Variants in GSE1 observed in about 807,000 individuals in gnomAD.
GSE1 encodes Gse1 coiled-coil protein.
Under a neutral mutation model 112.6 loss-of-function variants are expected in GSE1, and 32 were observed. The ratio of observed to expected loss-of-function variants is 0.28; its 90% confidence interval spans 0.21 to 0.38. The LOEUF is 0.38. Ranked by LOEUF, GSE1 falls within the 10% of genes least tolerant of loss-of-function variation. The probability of loss-of-function intolerance (pLI) is 1.00; values close to 1 mark genes in which losing one functional copy is unlikely to be tolerated. For synonymous variants in GSE1, 1,115 were observed against 735.6 expected (o/e 1.52, Z -8.35); for missense variants, 2,348 against 1,699.2 (o/e 1.38, Z -6.71).
chr16:85,369,563 T>G (rs572468800), intron 2 of GSE1, among the ~76,000 whole-genome samples: 2 of 152,174 alleles, frequency 1.3e-5, no homozygotes, highest in Non-Finnish European at 2.9e-5. Context: ...CCTGCCTCCC[T>G]TGCAAGGACC....
intron 2 of GSE1, among the ~76,000 whole-genome samples, chr16:85,494,907 C>A (rs903173680): frequency 2.0e-5 from 3 of 152,060 alleles, no homozygotes; most frequent in Non-Finnish European, 2.9e-5. Context: ...GGGCCCTGTC[C>A]CCTGCCTCTG....
At chr16:85,357,418 G>A (rs1032021699) in intron 1 of GSE1, 17 of 1,132,416 alleles carry the variant, frequency 1.5e-5, no homozygotes, top group Non-Finnish European at 1.9e-5. Context: ...ATCATCCCCT[G>A]CAGGCATGGC....
chr16:85,418,028 G>T (rs2048743500), intron 2 of GSE1, among the ~76,000 whole-genome samples: 1 of 152,146 alleles, frequency 6.6e-6, no homozygotes, highest in African/African-American at 2.4e-5. Context: ...TAGTAGAGAT[G>T]GGGTTTCACC....
chr16:85,453,210 G>T (rs947134399), intron 2 of GSE1, among the ~76,000 whole-genome samples: 1 of 152,174 alleles, frequency 6.6e-6, no homozygotes, highest in Non-Finnish European at 1.5e-5. Context: ...GCTGATGGGG[G>T]TGTGAAGGAA....
intron 2 of GSE1, chr16:85,490,852 C>G (rs2050988288): frequency 1.3e-5 from 2 of 152,342 alleles, no homozygotes; most frequent in Admixed American, 6.5e-5. Context: ...TTTCCAGGCT[C>G]AGTAAATCAA....
At chr16:85,564,184 G>T (rs535279509) in intron 1 of GSE1, among the ~76,000 whole-genome samples, 1 of 152,336 alleles carries the variant, frequency 6.6e-6, no homozygotes, top group Admixed American at 6.5e-5. Flanking sequence ...ATCCAGGAAG[G>T]CTTCCTGGAG....
At chr16:85,669,032 C>T (rs1183435405) in intron 14 of GSE1, among the ~76,000 whole-genome samples, 15 of 152,274 alleles carry the variant, frequency 9.9e-5, no homozygotes, top group Non-Finnish European at 1.5e-4. Context: ...CAGCACCAGG[C>T]GGACTCAGGC....
chr16:85,563,004 G>C (rs141845440), intron 1 of GSE1, among the ~76,000 whole-genome samples: 145 of 152,290 alleles, frequency 9.5e-4, no homozygotes, highest in African/African-American at 3.4e-3. Flanking sequence ...TCCCCTCTTA[G>C]GGGACCTCCT....
chr16:85,499,112 A>G (rs1023138506), intron 2 of GSE1, among the ~76,000 whole-genome samples: 1 of 151,266 alleles, frequency 6.6e-6, no homozygotes, highest in African/African-American at 2.4e-5. Flanking sequence ...GCAGGGGAGG[A>G]AGCCCCTTGG....
intron 1 of GSE1, among the ~76,000 whole-genome samples, chr16:85,628,117 G>C (rs537379901): frequency 1.3e-5 from 2 of 152,218 alleles, no homozygotes; most frequent in African/African-American, 2.4e-5. Flanking sequence ...GGGTTCCCCG[G>C]CTCTTGGCCT....
At chr16:85,595,677 C>G (rs1291361456) in intron 1 of GSE1, 1 of 152,050 alleles carries the variant, frequency 6.6e-6, no homozygotes, top group Non-Finnish European at 1.5e-5. Flanking sequence ...CCCTCCCTCC[C>G]TTCCTTCCTC....
chr16:85,420,573 C>G (rs2048815832), intron 2 of GSE1, among the ~76,000 whole-genome samples: 2 of 152,156 alleles, frequency 1.3e-5, no homozygotes, highest in African/African-American at 4.8e-5. Flanking sequence ...TCCTTTGTGT[C>G]ACCACCATGC....
chr16:85,648,418 C>A, intron 2 of GSE1, 134 bp from the exon 3 acceptor site: 1 of 591,426 alleles, frequency 1.7e-6, no homozygotes, highest in Non-Finnish European at 3.0e-6. Flanking sequence ...GGGTGGGGGC[C>A]CATGAGGCTG....
chr16:85,250,282 G>A (rs943059806), intron 1 of GSE1, among the ~76,000 whole-genome samples: 7 of 152,220 alleles, frequency 4.6e-5, no homozygotes, highest in Admixed American at 1.3e-4. Context: ...CTGGGTTCCC[G>A]GCAGAGGTTC....
chr16:85,655,421 G>A (rs368672333), intron 5 of GSE1, among the ~76,000 whole-genome samples: 3 of 152,188 alleles, frequency 2.0e-5, no homozygotes, highest in Admixed American at 6.5e-5. Context: ...ACCACCCCAC[G>A]TCAGGGCAGC....
intron 2 of GSE1, among the ~76,000 whole-genome samples, chr16:85,503,803 C>T (rs2051447605): frequency 6.6e-6 from 1 of 152,192 alleles, no homozygotes; most frequent in South Asian, 2.1e-4. Flanking sequence ...AGCCAAGCGG[C>T]CGTCATTTGA....
chr16:85,443,796 G>T (rs1407482020), intron 2 of GSE1, among the ~76,000 whole-genome samples: 1 of 152,136 alleles, frequency 6.6e-6, no homozygotes, highest in African/African-American at 2.4e-5. Flanking sequence ...TGCCAGGCAG[G>T]TCCCTCTGCC....
upstream of GSE1, among the ~76,000 whole-genome samples, chr16:85,612,525 C>T (rs1295582506): frequency 1.3e-5 from 2 of 152,106 alleles, no homozygotes; most frequent in African/African-American, 4.8e-5. Context: ...GCGGCGCCTC[C>T]GTGGGTTCTC....
chr16:85,282,451 G>C (rs903133294), intron 1 of GSE1, among the ~76,000 whole-genome samples: 1 of 152,184 alleles, frequency 6.6e-6, no homozygotes. Flanking sequence ...CTGAAAGCCC[G>C]GTTCAGAGTT....
Sources: allele counts gnomAD v4.1 joint callset (sites outside exome capture counted in the v4.1 genomes callset), GRCh38; gene constraint gnomAD v4.1.1; transcripts MANE v1.5; gene names NCBI Gene and HGNC (gene_info 2026-07-23, HGNC 2026-07-21).